Variants in ZSCAN5A observed in about 807,000 individuals in gnomAD.
ZSCAN5A encodes the protein zinc finger and SCAN domain-containing protein 5A.
ZSCAN5A carries 12 observed loss-of-function variants against 23.7 expected under a neutral mutation model. The ratio of observed to expected loss-of-function variants is 0.51; its 90% CI spans 0.32 to 0.82. The LOEUF (loss-of-function observed/expected upper bound fraction) is 0.82, where lower values mean the gene tolerates loss of function less well. Ranked by LOEUF, ZSCAN5A falls within the 40% of genes least tolerant of loss-of-function variation. The pLI is 0.03. For synonymous variants in ZSCAN5A, 257 were observed against 239.9 expected, an observed-to-expected ratio of 1.07 and a Z score of -0.66; for missense variants, 597 against 617.9, an observed-to-expected ratio of 0.97 and a Z score of 0.36.
At chr19:56,262,826 A>C (rs147694320) in intron 2 of ZSCAN5A, among the ~76,000 whole-genome samples, 1 of 152,194 alleles carries the variant, frequency 6.6e-6, no homozygotes, top group African/African-American at 2.4e-5. Flanking sequence ...TATTCCATTG[A>C]TTTATTTATC....
intron 2 of ZSCAN5A, among the ~76,000 whole-genome samples, chr19:56,358,462 C>A (rs1429668997): frequency 6.7e-6 from 1 of 149,858 alleles, no homozygotes; most frequent in Admixed American, 6.6e-5. Flanking sequence ...GACTTGAATA[C>A]CCACCCAATA....
intron 2 of ZSCAN5A, among the ~76,000 whole-genome samples, chr19:56,239,960 A>G (rs184766950): frequency 4.3e-4 from 66 of 152,208 alleles, no homozygotes; most frequent in East Asian, 3.5e-3. Context: ...TCAGGAGTTC[A>G]AGACCAGCCT....
rs189394093 is a variant in ZSCAN5A at position 56,257,625 on chromosome 19, C to A, written c.-127-32452G>T. On this transcript the variant is annotated intron_variant, in intron 2 of 5. Coordinates refer to ENST00000683990, the MANE Select transcript of ZSCAN5A (RefSeq NM_001322064.3). ...CACTGCCCATCTTCTTAGACACAGG[C>A]GCTGGGGGACTCTGGAAGCCTTTCA... 1.4e-5 allele frequency among the ~76,000 whole-genome samples: 2 copies of A among 142,570 alleles called. 1 individual carries two copies. Among genetic ancestry groups the A allele is most frequent in the African/African-American group, 5.6e-5 (2 of 35,744 alleles). The allele number at this position is 142,570 out of a possible 152,430, so 93.5% of individuals were successfully genotyped here. A position where few individuals can be genotyped will look rare whatever the true frequency, so the allele number is the denominator to read the frequency against.
chr19:56,224,655 C>T lies in ZSCAN5A; in HGVS notation c.384+8G>A, dbSNP rs996983093. The T allele has an allele frequency of 6.4e-7, 1 of 1,555,440 alleles. No homozygotes were observed. The highest frequency in any genetic ancestry group is 2.3e-5 in the East Asian group (1 of 44,376). ...CTTCCCTGCACCAATCACGAGGGTC[C>T]CACTCACCCATTTCTTGGGTCTTCT... is the stretch of plus-strand genomic sequence containing the variant. On this transcript the variant is annotated splice_region_variant and intron_variant, in intron 3 of 5. Coordinates refer to ENST00000683990, the MANE Select transcript of ZSCAN5A (RefSeq NM_001322064.3).
intron 2 of ZSCAN5A, among the ~76,000 whole-genome samples, chr19:56,270,001 C>T (rs2037734039): frequency 6.6e-6 from 1 of 152,062 alleles, no homozygotes; most frequent in Admixed American, 6.6e-5. Context: ...CAGGGATTGG[C>T]ATCCACACTG....
intron 2 of ZSCAN5A, among the ~76,000 whole-genome samples, chr19:56,276,217 T>C (rs1037077309): frequency 3.9e-5 from 6 of 152,206 alleles, no homozygotes; most frequent in African/African-American, 1.2e-4. Context: ...GGCACTTGGA[T>C]CTGGTGCACA....
intron 2 of ZSCAN5A, chr19:56,363,138 C>T (rs2041744899): frequency 6.6e-6 from 1 of 152,156 alleles, no homozygotes. Context: ...CCATATTTCT[C>T]TAGTTTTCAG....
chr19:56,273,249 T>C (rs576607972), intron 2 of ZSCAN5A, among the ~76,000 whole-genome samples: 9 of 152,228 alleles, frequency 5.9e-5, no homozygotes, highest in South Asian at 2.1e-4. Context: ...TTGCATGTCA[T>C]TGACGAGCTT....
At chr19:56,310,755 G>A (rs2040987840) in intron 2 of ZSCAN5A, among the ~76,000 whole-genome samples, 1 of 152,184 alleles carries the variant, frequency 6.6e-6, no homozygotes, top group Non-Finnish European at 1.5e-5. Flanking sequence ...CAGCTCTCCA[G>A]CCTGCATGTT....
At chr19:56,224,134 T>C (rs1019094831) in intron 3 of ZSCAN5A, among the ~76,000 whole-genome samples, 2 of 151,836 alleles carry the variant, frequency 1.3e-5, no homozygotes, top group Non-Finnish European at 2.9e-5. Context: ...TCCAACTCAA[T>C]TGGCCGATGG....
intron 2 of ZSCAN5A, chr19:56,246,730 G>C (rs1266243822): frequency 6.2e-6 from 8 of 1,299,424 alleles, no homozygotes; most frequent in Admixed American, 1.8e-5. Context: ...CCTTCTTCCA[G>C]CAGGTGTGGT....
At position 56,352,089 on chromosome 19, in the gene ZSCAN5A, G is replaced by GTT. The variant is rs1371552366; in HGVS notation, c.-358+11145_-358+11146insAA. On this transcript the variant is annotated intron_variant, in intron 2 of 6. Transcript: ENST00000587340. The surrounding 1 kb of genome is among the most constrained non-coding windows in gnomAD (Gnocchi z 4.2). ...GGGTATGCTTTGGTGGATAGTGTGG[G>GTT]GTTTTTTTGTTTGTTTGTTTCTTTG... Among the ~76,000 whole-genome samples the GTT allele has an allele frequency of 7.9e-5, 12 of 151,630 alleles. No individual in the cohort carries two copies. The highest frequency in any genetic ancestry group is 3.3e-4 in the Admixed American group (5 of 15,224).
chr19:56,222,489 A>G, intron 5 of ZSCAN5A, 102 bp downstream of exon 5: 1 of 1,554,026 alleles, frequency 6.4e-7, no homozygotes. Flanking sequence ...AGGCTTTGAC[A>G]GCTGAGTGCC....
chr19:56,259,394 T>C (rs1244505165), intron 2 of ZSCAN5A, among the ~76,000 whole-genome samples: 1 of 152,092 alleles, frequency 6.6e-6, no homozygotes, highest in African/African-American at 2.4e-5. Context: ...TACCCTCTTC[T>C]TACCTGGACC....
At chr19:56,359,270 C>T (rs58129651) in intron 2 of ZSCAN5A, among the ~76,000 whole-genome samples, 9,823 of 152,094 alleles carry the variant, frequency 0.065, 402 homozygotes, top group East Asian at 0.14. Context: ...CACAGAGATA[C>T]AAACTACTGT....
intron 2 of ZSCAN5A, among the ~76,000 whole-genome samples, chr19:56,331,578 CTTTTTTTTTTTTTT>C (rs68085541): frequency 6.1e-5 from 3 of 48,964 alleles, no homozygotes; most frequent in African/African-American, 2.5e-4. Context: ...GAATTGCATT[CTTTTTTTTTTTTTT>C]TTTTTTTTTT....
At chr19:56,256,361 C>A (rs924150943) in intron 2 of ZSCAN5A, among the ~76,000 whole-genome samples, 13 of 151,996 alleles carry the variant, frequency 8.6e-5, no homozygotes, top group African/African-American at 2.7e-4. Context: ...CCCGGCTAAT[C>A]TTTTGTGGTT....
At chr19:56,348,070 T>C (rs1245914422) in intron 2 of ZSCAN5A, 1 of 152,224 alleles carries the variant, frequency 6.6e-6, no homozygotes, top group Non-Finnish European at 1.5e-5. Flanking sequence ...CGGAGGTCAC[T>C]GGGTTCAGGA....
intron 2 of ZSCAN5A, among the ~76,000 whole-genome samples, chr19:56,303,352 C>G (rs2147288481): frequency 6.6e-6 from 1 of 152,112 alleles, no homozygotes; most frequent in East Asian, 1.9e-4. Flanking sequence ...GTGGCGCATG[C>G]CTGTAATCCC....
Sources: allele counts gnomAD v4.1 joint callset (sites outside exome capture counted in the v4.1 genomes callset), GRCh38; gene constraint gnomAD v4.1.1; non-coding constraint Gnocchi (gnomAD v3.1); transcripts MANE v1.5; gene names NCBI Gene and HGNC (gene_info 2026-07-23, HGNC 2026-07-21).